NDE1: variants seen among roughly 807,000 people sequenced by gnomAD.
NDE1 encodes the protein nuclear distribution protein nudE homolog 1.
NDE1 carries 28 observed loss-of-function variants against 43.4 expected under a neutral mutation model. The ratio of observed to expected loss-of-function variants is 0.65; its 90% CI spans 0.48 to 0.89. The LOEUF is 0.89. Ranked by LOEUF, NDE1 falls within the 40% of genes least tolerant of loss-of-function variation. The pLI is 0.00. For missense variants in NDE1, 441 were observed against 434.1 expected, an observed-to-expected ratio of 1.02 and a Z score of -0.14; for synonymous variants, 184 against 172.0, an observed-to-expected ratio of 1.07 and a Z score of -0.55.
Position 15,696,732 on chromosome 16 carries a change from C to T in NDE1, c.819C>T (p.Ser273=), listed in dbSNP as rs746986060. 1 of 1,614,204 alleles carries T rather than the reference C, an allele frequency of 6.2e-7. No individual in the cohort carries two copies. ...KVGALESKLA[S]CRNLVYDQSP... The stretch of plus-strand genomic sequence containing the variant: ...AGGCACTGGAGTCCAAACTCGCTTC[C>T]TGCCGGAACCTCGTGTACGATCAGT... Residue 273 remains serine, a synonymous_variant, in exon 8 of 9, where the codon TCC becomes TCT. Transcript: ENST00000396354.
At chr16:15,681,212 T>C (rs2038158751) in intron 4 of NDE1, among the ~76,000 whole-genome samples, 1 of 146,118 alleles carries the variant, frequency 6.8e-6, no homozygotes, top group South Asian at 2.2e-4. Flanking sequence ...TTATTTTCTT[T>C]AGGTGGATAG....
intron 8 of NDE1, among the ~76,000 whole-genome samples, chr16:15,705,401 T>C (rs946674465): frequency 1.3e-5 from 2 of 152,118 alleles, no homozygotes; most frequent in Admixed American, 6.6e-5. Context: ...GAAGGGCTGG[T>C]CACGTGAGGG....
At chr16:15,651,032 G>T (rs888914198) in intron 1 of NDE1, among the ~76,000 whole-genome samples, 7 of 152,112 alleles carry the variant, frequency 4.6e-5, no homozygotes, top group Non-Finnish European at 7.4e-5. Context: ...TGATGGCTGG[G>T]CTCACTGAGG....
chr16:15,659,485 G>A (rs537789008), intron 1 of NDE1, among the ~76,000 whole-genome samples: 29 of 123,668 alleles, frequency 2.3e-4, no homozygotes, highest in Admixed American at 1.4e-3. Context: ...CACCCAGGCT[G>A]GAGTGCAGTG....
Position 15,664,914 on chromosome 16 carries a change from C to G in NDE1, c.83+53C>G, listed in dbSNP as rs928163218. 4 of 1,367,766 alleles carry G rather than the reference C, an allele frequency of 2.9e-6. No homozygotes were observed. The African/African-American group carries it at 4.4e-5, about 15-fold the overall frequency. 84.7% of individuals were successfully genotyped at this position (1,367,766 alleles called of 1,614,324 possible). A position where few individuals can be genotyped will look rare whatever the true frequency, so the allele number is the denominator to read the frequency against. On this transcript the variant is annotated intron_variant, in intron 2 of 8. Transcript: ENST00000396354. ...TTTTTTTTTTTTTTTGAGATGGGGT[C>G]CTGCTATGTTACCTAGGCTGAGTGC...
At chr16:15,666,664 G>A (rs933414074) in intron 2 of NDE1, among the ~76,000 whole-genome samples, 45 of 152,264 alleles carry the variant, frequency 3.0e-4, no homozygotes, top group African/African-American at 1.0e-3. Flanking sequence ...CACCCAGGCT[G>A]AATTGCACTG....
intron 8 of NDE1, among the ~76,000 whole-genome samples, chr16:15,704,311 C>A (rs1478923321): frequency 6.6e-6 from 1 of 152,040 alleles, no homozygotes; most frequent in Non-Finnish European, 1.5e-5. Context: ...CATTGCCAGT[C>A]TTAAGGCATG....
In NDE1 at chr16:15,725,487, C is replaced by A. The variant is rs1035293342; in HGVS notation, c.*1236C>A. On this transcript the variant is annotated 3_prime_UTR_variant, in exon 9 of 9. Coordinates refer to ENST00000396354, the MANE Select transcript of NDE1 (RefSeq NM_017668.3). Reference sequence around the variant, plus strand: ...ACCCTGATGGCCAAAGCCAGAGACGCAGGCCCTAAAGGTAAAAACGTCCTC... The same window carrying A: ...ACCCTGATGGCCAAAGCCAGAGACGAAGGCCCTAAAGGTAAAAACGTCCTC... The A allele has an allele frequency of 9.3e-6, 4 of 430,886 alleles. No individual in the cohort carries two copies. The Admixed American group carries it at 1.1e-4, about 12-fold the overall frequency. 26.7% of individuals were successfully genotyped at this position (430,886 alleles called of 1,614,324 possible).
chr16:15,716,228 T>G (rs2040126387), intron 8 of NDE1, among the ~76,000 whole-genome samples: 1 of 152,002 alleles, frequency 6.6e-6, no homozygotes, highest in Admixed American at 6.6e-5. Flanking sequence ...ATACCACATA[T>G]GGCCTGGGGT....
intron 5 of NDE1, among the ~76,000 whole-genome samples, chr16:15,690,672 A>G (rs9922180): frequency 0.14 from 21,526 of 152,100 alleles, 3,086 homozygotes; most frequent in African/African-American, 0.37. Context: ...CAAGTCTGCT[A>G]GGCAAGGTCC....
chr16:15,705,761 C>T (rs1022117533), intron 8 of NDE1, among the ~76,000 whole-genome samples: 2 of 151,918 alleles, frequency 1.3e-5, no homozygotes, highest in African/African-American at 4.8e-5. Context: ...GCGGGCGGAT[C>T]ATGAGGTCAG....
At chr16:15,652,480 A>C (rs1339302876) in intron 1 of NDE1, among the ~76,000 whole-genome samples, 1 of 152,216 alleles carries the variant, frequency 6.6e-6, no homozygotes, top group East Asian at 1.9e-4. Context: ...CACCTCGTGC[A>C]ATGGATGTGG....
intron 8 of NDE1, chr16:15,715,287 G>T: frequency 1.2e-6 from 2 of 1,613,742 alleles, no homozygotes; most frequent in Non-Finnish European, 1.7e-6. Flanking sequence ...AAACAGCAAG[G>T]AAAACAGGTG....
intron 8 of NDE1, among the ~76,000 whole-genome samples, chr16:15,707,626 G>C (rs907850984): frequency 1.3e-5 from 2 of 152,134 alleles, no homozygotes; most frequent in Admixed American, 1.3e-4. Context: ...AATGAAGATG[G>C]ACACAAATGA....
rs375230260 is a variant in NDE1, at chr16:15,717,265, C to T, written c.948-6926C>T. 16 of 1,613,960 alleles carry T rather than the reference C, an allele frequency of 9.9e-6. No homozygotes were observed. The highest frequency in any genetic ancestry group is 1.3e-5 in the African/African-American group (1 of 74,942). ...GGAGCTTGCTCCGGAGCTCCTTGTT[C>T]TGCCGCTCGAGCTGCTGCCGGGCAC... is the stretch of plus-strand genomic sequence containing the variant. On this transcript the variant is annotated intron_variant, in intron 8 of 8. Transcript: ENST00000396354.
chr16:15,722,452 A>G (rs1485752290), intron 8 of NDE1, among the ~76,000 whole-genome samples: 1 of 152,216 alleles, frequency 6.6e-6, no homozygotes, highest in African/African-American at 2.4e-5. Context: ...TCCAAAAGCC[A>G]AACTTCCAGT....
rs539733885 is a variant in NDE1, at chr16:15,650,284, C to T, written c.-54C>T. ...CGCCGCCGCCGCGTTGGCCTCGCCG[C>T]CCCTGCTCGGGTAAGTGAGGCGCTG... On this transcript the variant is annotated 5_prime_UTR_variant, in exon 1 of 9. Transcript: ENST00000396354. 4.4e-5 allele frequency: 14 copies of T among 315,182 alleles called. No homozygotes were observed. In the East Asian group the frequency reaches 1.8e-3, roughly 40 times the overall value. 19.5% of individuals were successfully genotyped at this position (315,182 alleles called of 1,614,324 possible). A position where few individuals can be genotyped will look rare whatever the true frequency, so the allele number is the denominator to read the frequency against.
At chr16:15,651,441 T>A (rs8045619) in intron 1 of NDE1, 1 of 150,242 alleles carries the variant, frequency 6.7e-6, no homozygotes, top group Non-Finnish European at 1.5e-5. Flanking sequence ...TTTTTTTTTT[T>A]TTTTTTTTGT....
At chr16:15,707,560 C>T (rs1465730436) in intron 8 of NDE1, among the ~76,000 whole-genome samples, 1 of 152,182 alleles carries the variant, frequency 6.6e-6, no homozygotes, top group Non-Finnish European at 1.5e-5. Context: ...CTTAACAAGA[C>T]CTCACCCTGC....
Sources: gnomAD v4.1 joint callset for allele counts (sites outside exome capture counted in the v4.1 genomes callset) on GRCh38, gnomAD v4.1.1 for gene constraint, MANE v1.5 for transcripts, NCBI Gene and HGNC (gene_info 2026-07-23, HGNC 2026-07-21) for gene names.